The following ZNF160 variants were observed in gnomAD, a reference collection of about 807,000 sequenced individuals.
The protein encoded by ZNF160 is KRAB zinc finger protein KR18.
ZNF160 carries 9 observed loss-of-function variants against 13.1 expected under a neutral mutation model. That is an observed-to-expected ratio of 0.69 (90% CI 0.41 to 1.20). The LOEUF (loss-of-function observed/expected upper bound fraction) is 1.20. Ranked by LOEUF, ZNF160 falls within the 50% of genes most tolerant of loss-of-function variation. The pLI, the probability that ZNF160 is intolerant of heterozygous loss-of-function variation, is 0.01. For missense variants in ZNF160, 838 were observed against 988.0 expected, an observed-to-expected ratio of 0.85 and a Z score of 2.04; for synonymous variants, 293 against 333.2, an observed-to-expected ratio of 0.88 and a Z score of 1.31.
At chr19:53,082,938 A>G (rs2145751394) in intron 3 of ZNF160, among the ~76,000 whole-genome samples, 1 of 152,320 alleles carries the variant, frequency 6.6e-6, no homozygotes. Flanking sequence ...ATTGGGTTCA[A>G]TTAATTTGCT....
intron 3 of ZNF160, among the ~76,000 whole-genome samples, chr19:53,083,230 C>T (rs2084701148): frequency 6.6e-6 from 1 of 152,134 alleles, no homozygotes; most frequent in African/African-American, 2.4e-5. Flanking sequence ...GTCGCCTCTC[C>T]CCCTCCCTGG....
At chr19:53,102,499 T>C (rs906225125) in intron 1 of ZNF160, among the ~76,000 whole-genome samples, 1 of 152,222 alleles carries the variant, frequency 6.6e-6, no homozygotes, top group African/African-American at 2.4e-5. Flanking sequence ...CTTGTTGTCC[T>C]GCATCTCGGG....
In ZNF160 at chr19:53,069,369, T is replaced by C. The variant is rs1395260872; in HGVS notation, c.1165A>G (p.Arg389Gly). ...TAAGGTTTCTCTCCAGTGTGAATTC[T>C]CCAATGACTTATAAGGTGTGAATTT... ...TQNSHLISHWRIHTGEKPYKC... is the reference protein window; with the variant it reads ...TQNSHLISHWGIHTGEKPYKC... The change falls in exon 6 of 6, where the codon AGA becomes GGA. Residue 389 changes from arginine to glycine, a missense_variant. By Grantham distance (125) the Arg-to-Gly change is moderately radical. Around this residue, in one of 3 missense-constraint regions of ZNF160, gnomAD observed 400 missense variants for 538.9 expected, o/e 0.74. Coordinates refer to ENST00000683776, the MANE Select transcript of ZNF160 (RefSeq NM_001322131.2). This position sits in a 1 kb window ranked among gnomAD's most constrained non-coding sequence, Gnocchi z 4.4. 6.2e-7 allele frequency: 1 copy of C among 1,613,890 alleles called. No individual in the cohort carries two copies. The highest frequency in any genetic ancestry group is 1.3e-5 in the African/African-American group (1 of 74,900).
chr19:53,086,186 A>C, intron 3 of ZNF160, 76 bp downstream of exon 3: 1 of 1,494,714 alleles, frequency 6.7e-7, no homozygotes, highest in Non-Finnish European at 9.2e-7. Context: ...CTTCAGACTC[A>C]GAGAAGATTC....
chr19:53,068,293 G>A lies in ZNF160; in HGVS notation c.2241C>T (p.His747=). 6.2e-7 allele frequency: 1 copy of A among 1,613,960 alleles called. No homozygotes were observed. The highest frequency in any genetic ancestry group is 8.5e-7 in the Non-Finnish European group (1 of 1,179,946). ...ECGKVFTQNA[H]LANHRRIHTG... ...TATGAATTCTTCGGTGATTTGCCAGGTGAGCATTTTGAGTAAAGACCTTGC... is the reference window on the plus strand; with the variant it reads ...TATGAATTCTTCGGTGATTTGCCAGATGAGCATTTTGAGTAAAGACCTTGC... Residue 747 remains histidine, a synonymous_variant, in exon 6 of 6, where the codon CAC becomes CAT. Transcript: ENST00000683776.
intron 5 of ZNF160, 45 bp from the exon 6 acceptor site, chr19:53,070,307 T>C (rs750852279): frequency 2.2e-5 from 32 of 1,455,552 alleles, no homozygotes; most frequent in South Asian, 5.9e-5. Context: ...AATTACAGTA[T>C]AGAAATAAAT....
chr19:53,085,641 T>TA (rs2084803361), intron 3 of ZNF160: 1 of 190,626 alleles, frequency 5.2e-6, no homozygotes, highest in African/African-American at 2.4e-5. Context: ...CTCCATGGGA[T>TA]AGAGCTTCTG....
Position 53,068,389 on chromosome 19 carries a change from A to C in ZNF160, c.2145T>G (p.Ser715Arg), listed in dbSNP as rs769444647. Residue 715 changes from serine to arginine, a missense_variant, in exon 6 of 6, where the codon AGT becomes AGG. Physicochemically the swap from Ser to Arg is moderately radical, Grantham distance 110 (BLOSUM62 -1). Coordinates refer to ENST00000683776, the MANE Select transcript of ZNF160 (RefSeq NM_001322131.2). Reference protein sequence around the residue: ...YRCNECGKAFSVRSSLTTHQA... With the variant: ...YRCNECGKAFRVRSSLTTHQA... The stretch of plus-strand genomic sequence containing the variant: ...GATGGGTGGTTAGGCTTGAACGAAC[A>C]CTGAAGGCTTTCCCACACTCATTGC... The C allele has an allele frequency of 6.2e-7, 1 of 1,613,394 alleles. No homozygotes were observed. The highest frequency in any genetic ancestry group is 2.2e-5 in the East Asian group (1 of 44,780).
At chr19:53,071,415 G>A (rs1426948016) in intron 5 of ZNF160, among the ~76,000 whole-genome samples, 1 of 151,592 alleles carries the variant, frequency 6.6e-6, no homozygotes, top group African/African-American at 2.4e-5. Flanking sequence ...GGCTGGGTGT[G>A]GTAATGGGCA....
chr19:53,101,847 AATTCTCATCCT>A (rs2085457916), intron 1 of ZNF160, among the ~76,000 whole-genome samples: 3 of 152,258 alleles, frequency 2.0e-5, no homozygotes, highest in Non-Finnish European at 4.4e-5. Flanking sequence ...AGAGCTTTGT[AATTCTCATCCT>A]TATATGTAGA....
At chr19:53,102,442 C>T (rs906122761) in intron 1 of ZNF160, among the ~76,000 whole-genome samples, 1 of 152,176 alleles carries the variant, frequency 6.6e-6, no homozygotes, top group Non-Finnish European at 1.5e-5. Flanking sequence ...CTCCTCTCCC[C>T]CACTCTCTGT....
intron 3 of ZNF160, chr19:53,075,472 C>T: frequency 2.7e-6 from 1 of 373,642 alleles, no homozygotes; most frequent in Non-Finnish European, 5.1e-6. Context: ...GGAACTAAGG[C>T]TCGGTGGGTG....
intron 5 of ZNF160, among the ~76,000 whole-genome samples, chr19:53,072,103 TTC>T (rs2084199946): frequency 7.0e-6 from 1 of 141,848 alleles, no homozygotes; most frequent in Admixed American, 7.0e-5. Flanking sequence ...ATTTCTTTCT[TTC>T]TTTTTTTTTT....
intron 3 of ZNF160, chr19:53,075,768 T>C (rs757816047): frequency 1.9e-5 from 10 of 519,058 alleles, no homozygotes; most frequent in Non-Finnish European, 3.1e-5. Context: ...CCCTGTGTTA[T>C]GTGAGCCACT....
At chr19:53,087,638 C>T (rs2084890297) in intron 2 of ZNF160, among the ~76,000 whole-genome samples, 1 of 152,128 alleles carries the variant, frequency 6.6e-6, no homozygotes, top group South Asian at 2.1e-4. Flanking sequence ...GCAGCCTCCG[C>T]CTCCTGGGTT....
rs2083986248 is a variant in ZNF160 at position 53,066,878 on chromosome 19, G to A, written c.*1199C>T. On this transcript the variant is annotated 3_prime_UTR_variant, in exon 6 of 6. Coordinates refer to ENST00000683776, the MANE Select transcript of ZNF160 (RefSeq NM_001322131.2). The stretch of plus-strand genomic sequence containing the variant: ...GCTCACCACAACCTCCGCCTCCTGG[G>A]TTCAAGCACTCTCCTGCCTCAGCCT... The A allele has an allele frequency of 6.6e-6, 1 of 152,128 alleles. No individual in the cohort carries two copies. Among genetic ancestry groups the A allele is most frequent in the Admixed American group, 6.5e-5 (1 of 15,276 alleles). The allele number at this position is 152,128 out of a possible 1,614,324, so 9.4% of individuals were successfully genotyped here. A position where few individuals can be genotyped will look rare whatever the true frequency, so the allele number is the denominator to read the frequency against.
Position 53,069,476 on chromosome 19 carries a change from T to G in ZNF160, c.1058A>C (p.His353Pro). The change falls in exon 6 of 6, where the codon CAT becomes CCT. Residue 353 changes from histidine (H) to proline (P), a missense_variant. Transcript: ENST00000683776. The surrounding 1 kb of genome is among the most constrained non-coding windows in gnomAD (Gnocchi z 4.4). ...CNECGKAFRGHSNLTTHQLIH... is the reference protein window; with the variant it reads ...CNECGKAFRGPSNLTTHQLIH... Reference sequence around the variant, plus strand: ...TAACTGATGGGTAGTTAGGTTTGAATGTCCTCTAAAGGCTTTTCCACACTC... The same window carrying G: ...TAACTGATGGGTAGTTAGGTTTGAAGGTCCTCTAAAGGCTTTTCCACACTC... The G allele has an allele frequency of 1.2e-6, 2 of 1,614,056 alleles. No homozygotes were observed. The highest frequency in any genetic ancestry group is 1.7e-6 in the Non-Finnish European group (2 of 1,180,012).
In ZNF160 at chr19:53,068,100, T is replaced by G; in HGVS notation, c.2434A>C (p.Thr812Pro). 11 of 1,610,366 alleles carry G rather than the reference T, an allele frequency of 6.8e-6. No homozygotes were observed. Among genetic ancestry groups the G allele is most frequent in the Non-Finnish European group, 9.3e-6 (11 of 1,177,888 alleles). The change falls in exon 6 of 6, where the codon ACC becomes CCC. Residue 812 changes from threonine (T) to proline (P), a missense_variant. Transcript: ENST00000683776. ...SNLASHHRMHTGEKPYK is the reference protein window; with the variant it reads ...SNLASHHRMHPGEKPYK ...ACTCATTTGTAAGGTTTCTCTCCGGTATGCATTCTGTGATGACTTGCAAGA... is the reference window on the plus strand; with the variant it reads ...ACTCATTTGTAAGGTTTCTCTCCGGGATGCATTCTGTGATGACTTGCAAGA...
At position 53,069,630 on chromosome 19, in the gene ZNF160, T is replaced by G. The variant is rs759826632; in HGVS notation, c.904A>C (p.Ile302Leu). 2.5e-6 allele frequency: 4 copies of G among 1,613,906 alleles called. No individual in the cohort carries two copies. Among genetic ancestry groups the G allele is most frequent in the Non-Finnish European group, 3.4e-6 (4 of 1,179,796 alleles). ...KTFTVRSNLT[I>L]HQVIHTGEKP... ...TCTCCAGTATGGATGACCTGATGAATAGTTAGATTTGAACGAACAGTAAAG... is the reference window on the plus strand; with the variant it reads ...TCTCCAGTATGGATGACCTGATGAAGAGTTAGATTTGAACGAACAGTAAAG... Residue 302 changes from isoleucine (I) to leucine (L), a missense_variant, in exon 6 of 6, where the codon ATT (isoleucine) becomes CTT (leucine). Physicochemically the swap from Ile to Leu is conservative, Grantham distance 5 (BLOSUM62 2). Transcript: ENST00000683776. This position sits in a 1 kb window ranked among gnomAD's most constrained non-coding sequence, Gnocchi z 4.4.
Sources: gnomAD v4.1 joint callset for allele counts (sites outside exome capture counted in the v4.1 genomes callset) on GRCh38, gnomAD v4.1.1 for gene constraint, gnomAD v4.1.1 regional missense constraint, Gnocchi (gnomAD v3.1) non-coding constraint, MANE v1.5 for transcripts, NCBI Gene and HGNC (gene_info 2026-07-23, HGNC 2026-07-21) for gene names.